Variants in YJU2 observed in about 807,000 individuals in gnomAD.
YJU2 encodes the protein splicing factor YJU2.
A neutral mutation model predicts 39.6 loss-of-function variants in YJU2; 28 were observed. That is an observed-to-expected ratio of 0.71 (90% confidence interval 0.52 to 0.97). The LOEUF (loss-of-function observed/expected upper bound fraction) is 0.97, where lower values mean the gene tolerates loss of function less well. Ranked by LOEUF, YJU2 falls within the 50% of genes least tolerant of loss-of-function variation. YJU2 has a pLI of 0.00. For missense variants in YJU2, 328 were observed against 430.4 expected (o/e 0.76, Z 2.11); for synonymous variants, 184 against 182.4 (o/e 1.01, Z -0.07).
intron 2 of YJU2, among the ~76,000 whole-genome samples, 177 bp from the exon 3 acceptor site, chr19:4,250,850 C>T (rs889535373): frequency 2.0e-5 from 3 of 151,910 alleles, no homozygotes; most frequent in Admixed American, 1.3e-4. Flanking sequence ...AATGAGAACA[C>T]GAAGTTCTCA....
chr19:4,263,533 C>T (rs959051528), intron 6 of YJU2, among the ~76,000 whole-genome samples: 1 of 152,088 alleles, frequency 6.6e-6, no homozygotes, highest in Non-Finnish European at 1.5e-5. Context: ...GGAGGCCGGG[C>T]ACCGTGGCTC....
At chr19:4,255,335 G>T (rs914515976) in intron 4 of YJU2, among the ~76,000 whole-genome samples, 5 of 152,126 alleles carry the variant, frequency 3.3e-5, no homozygotes, top group Non-Finnish European at 7.4e-5. Context: ...TGTAGTCCCA[G>T]CTACTTTAGG....
chr19:4,259,312 C>T (rs1459168471), intron 5 of YJU2, among the ~76,000 whole-genome samples: 1 of 151,938 alleles, frequency 6.6e-6, no homozygotes, highest in Non-Finnish European at 1.5e-5. Flanking sequence ...ATCTCCTGAC[C>T]TCGTGATCCG....
chr19:4,252,309 C>A (rs892374794), intron 3 of YJU2, among the ~76,000 whole-genome samples: 2 of 150,776 alleles, frequency 1.3e-5, no homozygotes, highest in African/African-American at 2.4e-5. Context: ...AAAAAAAATA[C>A]AAAAATAGGC....
intron 6 of YJU2, among the ~76,000 whole-genome samples, chr19:4,266,560 A>C (rs2144701105): frequency 6.6e-6 from 1 of 152,184 alleles, no homozygotes; most frequent in East Asian, 1.9e-4. Context: ...TCTCACCCAG[A>C]TGGATGTTAT....
intron 1 of YJU2, among the ~76,000 whole-genome samples, chr19:4,247,697 G>GTGTGTGTGTGTGTGTGTT: frequency 7.2e-6 from 1 of 138,926 alleles, no homozygotes; most frequent in East Asian, 2.2e-4. Context: ...GTGTGTGTGT[G>GTGTGTGTGTGTGTGTGTT]TTTTGTTTTT....
intron 3 of YJU2, among the ~76,000 whole-genome samples, chr19:4,253,270 A>G (rs1970992615): frequency 1.3e-5 from 2 of 151,196 alleles, no homozygotes; most frequent in Non-Finnish European, 1.5e-5. Context: ...TAAAGGTGGA[A>G]TGTTACCATT....
At chr19:4,247,603 GT>G (rs761510230) in intron 1 of YJU2, among the ~76,000 whole-genome samples, 13,091 of 33,898 alleles carry the variant, frequency 0.39, 3,683 homozygotes, top group South Asian at 0.64. Context: ...GTGTGTGTGT[GT>G]GTGTGTGTGT....
intron 5 of YJU2, among the ~76,000 whole-genome samples, chr19:4,261,116 G>C (rs766147239): frequency 1.2e-4 from 18 of 152,162 alleles, no homozygotes; most frequent in Non-Finnish European, 2.6e-4. Context: ...CTGGTCTCAT[G>C]CTCCTGGCCT....
chr19:4,264,677 G>T (rs1302115740), intron 6 of YJU2, among the ~76,000 whole-genome samples: 1 of 151,958 alleles, frequency 6.6e-6, no homozygotes, highest in South Asian at 2.1e-4. Context: ...AGTAGAGATG[G>T]CGTTTCACCA....
chr19:4,250,810 G>C (rs3826912), intron 2 of YJU2, among the ~76,000 whole-genome samples: 18,165 of 152,056 alleles, frequency 0.12, 1,361 homozygotes, highest in East Asian at 0.2. Context: ...CCAAGCAGGC[G>C]ACCCTTGGAC....
intron 6 of YJU2, among the ~76,000 whole-genome samples, chr19:4,263,671 A>T (rs1416037116): frequency 6.6e-6 from 1 of 151,968 alleles, no homozygotes; most frequent in Non-Finnish European, 1.5e-5. Flanking sequence ...TTAGCTGGAC[A>T]TGGCGGTGCC....
At chr19:4,248,656 C>A (rs899382987) in intron 1 of YJU2, among the ~76,000 whole-genome samples, 4 of 152,160 alleles carry the variant, frequency 2.6e-5, no homozygotes, top group African/African-American at 9.7e-5. Context: ...TGATGGCTCA[C>A]GTGTGTAATA....
At chr19:4,259,027 G>A (rs1004726557) in intron 5 of YJU2, among the ~76,000 whole-genome samples, 1 of 146,488 alleles carries the variant, frequency 6.8e-6, no homozygotes, top group African/African-American at 2.6e-5. Context: ...CTCACCAGCC[G>A]CCTTCTGAGG....
In YJU2 at chr19:4,247,650, T is replaced by C. The variant is rs867491153; in HGVS notation, c.24+480T>C. Among the ~76,000 whole-genome samples the C allele has an allele frequency of 5.6e-3, 308 of 55,162 alleles. 33 individuals carry two copies. The highest frequency in any genetic ancestry group is 0.016 in the East Asian group (24 of 1,506). 36.2% of individuals were successfully genotyped at this position (55,162 alleles called of 152,430 possible). A position where few individuals can be genotyped will look rare whatever the true frequency, so the allele number is the denominator to read the frequency against. On this transcript the variant is annotated intron_variant, in intron 1 of 7. Coordinates refer to ENST00000262962, the MANE Select transcript of YJU2 (RefSeq NM_018074.6). ...GTGTGTGTGTGTGTGTGTGTGTGTG[T>C]GTGTGTGTGTGTGTGTGTGTGTGTG...
At chr19:4,258,548 C>T in intron 5 of YJU2, 125 bp downstream of exon 5, 4 of 1,384,106 alleles carry the variant, frequency 2.9e-6, no homozygotes, top group South Asian at 1.5e-5. Flanking sequence ...TTTCCCACCG[C>T]CCATCTCACT....
At position 4,254,354 on chromosome 19, in the gene YJU2, G is replaced by T. The variant is rs780113962; in HGVS notation, c.271-1G>T. ...CTGATGTCTGTCTATCCTCCCTGCA[G>T]ACAGACCCTGAAAACACAGACTACA... On this transcript the variant is annotated splice_acceptor_variant, in intron 3 of 7. Transcript: ENST00000262962. LOFTEE classifies it high-confidence loss of function. The T allele has an allele frequency of 6.2e-7, 1 of 1,612,854 alleles. No individual in the cohort carries two copies. Among genetic ancestry groups the T allele is most frequent in the Non-Finnish European group, 8.5e-7 (1 of 1,179,326 alleles).
In YJU2 at chr19:4,267,686, G is replaced by T; in HGVS notation, c.771G>T (p.Arg257=). The T allele has an allele frequency of 1.2e-6, 2 of 1,613,498 alleles. No individual in the cohort carries two copies. The highest frequency in any genetic ancestry group is 1.7e-5 in the Admixed American group (1 of 59,994). ...WEQSVGSLGS[R]PPLSRLVVVK... is the part of the protein sequence containing the mutation. ...AGAGCGTTGGCAGCCTGGGCAGCCG[G>T]CCCCCGCTGTCGAGGCTGGTCGTGG... The change falls in exon 7 of 8, where the codon CGG becomes CGT. Residue 257 remains arginine (R), a synonymous_variant. Transcript: ENST00000262962.
intron 1 of YJU2, chr19:4,247,409 T>C (rs1277482131): frequency 8.3e-6 from 4 of 482,814 alleles, no homozygotes; most frequent in African/African-American, 6.2e-5. Flanking sequence ...GGGCGTGGCT[T>C]GGGCTTTTAC....
Sources: allele counts gnomAD v4.1 joint callset (sites outside exome capture counted in the v4.1 genomes callset), GRCh38; gene constraint gnomAD v4.1.1; transcripts MANE v1.5; gene names NCBI Gene and HGNC (gene_info 2026-07-23, HGNC 2026-07-21).